Variants in ABL2 observed in about 807,000 individuals in gnomAD.
ABL2 encodes ABL proto-oncogene 2, non-receptor tyrosine kinase.
A neutral mutation model predicts 107.7 loss-of-function variants in ABL2; 49 were observed. The observed-to-expected ratio is 0.45, with a 90% CI of 0.36 to 0.58. The LOEUF (loss-of-function observed/expected upper bound fraction) is 0.58, where lower values mean the gene tolerates loss of function less well. Among genes scored for constraint, ABL2 ranks in the 20% least tolerant of loss-of-function variants. The pLI is 0.00. For synonymous variants in ABL2, 549 were observed against 548.6 expected (o/e 1.00, Z -0.01); for missense variants, 1,245 against 1,457.0 (o/e 0.85, Z 2.37).
chr1:179,203,984 A>C (rs1465907266), intron 1 of ABL2, among the ~76,000 whole-genome samples: 1 of 152,210 alleles, frequency 6.6e-6, no homozygotes, highest in African/African-American at 2.4e-5. Context: ...AGCTGATGTG[A>C]GGATTAAAAG....
intron 1 of ABL2, among the ~76,000 whole-genome samples, chr1:179,189,443 G>C (rs1660873680): frequency 6.6e-6 from 1 of 151,734 alleles, no homozygotes; most frequent in Non-Finnish European, 1.5e-5. Context: ...CCTGTTCTAG[G>C]GTATTTTAAT....
At position 179,207,803 on chromosome 1, in the gene ABL2, G is replaced by C. The variant is rs182837972; in HGVS notation, c.157+21438C>G. Among the ~76,000 whole-genome samples, 278 of 152,210 alleles carry C rather than the reference G, an allele frequency of 1.8e-3. 2 individuals carry two copies. Among genetic ancestry groups the C allele is most frequent in the African/African-American group, 6.5e-3 (269 of 41,524 alleles). On this transcript the variant is annotated intron_variant, in intron 1 of 11. Coordinates refer to ENST00000502732, the MANE Select transcript of ABL2 (RefSeq NM_007314.4). The stretch of plus-strand genomic sequence containing the variant: ...TTAACAGAGGATCTAAACCCACACA[G>C]ACTGACACCAGAGTCCATGCCATTA...
chr1:179,103,748 T>C lies in ABL2; in HGVS notation c.*3970A>G, dbSNP rs1160899864. The C allele has an allele frequency of 4.4e-6, 1 of 229,324 alleles. No homozygotes were observed. Among genetic ancestry groups the C allele is most frequent in the African/African-American group, 2.2e-5 (1 of 45,118 alleles). 14.2% of individuals were successfully genotyped at this position (229,324 alleles called of 1,614,324 possible). A position where few individuals can be genotyped will look rare whatever the true frequency, so the allele number is the denominator to read the frequency against. ...CTGATTGTCGGTCTGAGCCACTTTT[T>C]TGCAGTGTCTCACATGGCAGCAGGT... On this transcript the variant is annotated 3_prime_UTR_variant, in exon 12 of 12. Transcript: ENST00000502732.
At chr1:179,143,335 C>T (rs192466278) in intron 1 of ABL2, among the ~76,000 whole-genome samples, 1 of 152,284 alleles carries the variant, frequency 6.6e-6, no homozygotes, top group Non-Finnish European at 1.5e-5. Context: ...ATATGTATAA[C>T]AAATAGCCTA....
At chr1:179,166,176 T>A (rs1336292025) in intron 1 of ABL2, among the ~76,000 whole-genome samples, 1 of 152,002 alleles carries the variant, frequency 6.6e-6, no homozygotes, top group Non-Finnish European at 1.5e-5. Context: ...TTCAGGACAT[T>A]GATCTAGGCA....
chr1:179,201,785 C>T (rs570396516), intron 1 of ABL2: 12 of 899,184 alleles, frequency 1.3e-5, no homozygotes, highest in South Asian at 5.6e-5. Flanking sequence ...TCCACAGAAT[C>T]GGTTGAGGTG....
chr1:179,167,935 T>C (rs1659488185), intron 1 of ABL2, among the ~76,000 whole-genome samples: 1 of 152,138 alleles, frequency 6.6e-6, no homozygotes, highest in African/African-American at 2.4e-5. Flanking sequence ...GCCGAGATCG[T>C]GCCACTGCAC....
In ABL2 at chr1:179,101,181, C is replaced by T. The variant is rs1653056404; in HGVS notation, c.*6537G>A. 1 of 227,638 alleles carries T rather than the reference C, an allele frequency of 4.4e-6. No homozygotes were observed. The highest frequency in any genetic ancestry group is 6.3e-5 in the East Asian group (1 of 15,934). The allele number at this position is 227,638 out of a possible 1,614,324, so 14.1% of individuals were successfully genotyped here. A position where few individuals can be genotyped will look rare whatever the true frequency, so the allele number is the denominator to read the frequency against. On this transcript the variant is annotated 3_prime_UTR_variant, in exon 12 of 12. Coordinates refer to ENST00000502732, the MANE Select transcript of ABL2 (RefSeq NM_007314.4). ...CCTCTCTGAGACTCATGAAACCCAT[C>T]TTTGAAGGCACAAATCTCCAAGGGT...
At chr1:179,215,985 T>C (rs1662543243) in intron 1 of ABL2, among the ~76,000 whole-genome samples, 3 of 152,252 alleles carry the variant, frequency 2.0e-5, no homozygotes, top group South Asian at 4.1e-4. Flanking sequence ...TTATGTATTA[T>C]ACTAAGCTCC....
At position 179,101,614 on chromosome 1, in the gene ABL2, G is replaced by A. The variant is rs1190417286; in HGVS notation, c.*6104C>T. ...TCAAACTCCTGACCTCAAGTGATCCGCCCATCTTGGTCTCCCAAAGTGCTG... is the reference window on the plus strand; with the variant it reads ...TCAAACTCCTGACCTCAAGTGATCCACCCATCTTGGTCTCCCAAAGTGCTG... On this transcript the variant is annotated 3_prime_UTR_variant, in exon 12 of 12. Coordinates refer to ENST00000502732, the MANE Select transcript of ABL2 (RefSeq NM_007314.4). 7 of 174,584 alleles carry A rather than the reference G, an allele frequency of 4.0e-5. No individual in the cohort carries two copies. The highest frequency in any genetic ancestry group is 2.0e-4 in the South Asian group (1 of 5,004). 10.8% of individuals were successfully genotyped at this position (174,584 alleles called of 1,614,324 possible). A position where few individuals can be genotyped will look rare whatever the true frequency, so the allele number is the denominator to read the frequency against.
At chr1:179,177,665 C>T (rs1660127671) in intron 1 of ABL2, among the ~76,000 whole-genome samples, 1 of 152,160 alleles carries the variant, frequency 6.6e-6, no homozygotes, top group Non-Finnish European at 1.5e-5. Flanking sequence ...TGGGAAACCA[C>T]AGGTGGTAAA....
chr1:179,155,685 C>T (rs978077221), intron 1 of ABL2, among the ~76,000 whole-genome samples: 2 of 150,104 alleles, frequency 1.3e-5, no homozygotes, highest in African/African-American at 4.9e-5. Flanking sequence ...GAGCCGAGAT[C>T]GGGCCACTAC....
At chr1:179,134,729 CCT>C (rs1320407939) in intron 1 of ABL2, among the ~76,000 whole-genome samples, 1 of 151,788 alleles carries the variant, frequency 6.6e-6, no homozygotes, top group Admixed American at 6.6e-5. Context: ...TCTCCCTCTC[CCT>C]CTCCACGGTC....
chr1:179,191,392 T>TA (rs1483066025), intron 1 of ABL2, among the ~76,000 whole-genome samples: 5 of 151,112 alleles, frequency 3.3e-5, no homozygotes. Context: ...ATGAGAACCT[T>TA]AATCTTTCTG....
At chr1:179,201,528 CT>C (rs1661666514) in intron 1 of ABL2, 1 of 315,096 alleles carries the variant, frequency 3.2e-6, no homozygotes, top group South Asian at 3.3e-5. Flanking sequence ...TCCAGTGCCC[CT>C]CTCAGGAAAG....
At chr1:179,201,818 G>C in intron 1 of ABL2, 1 of 1,102,824 alleles carries the variant, frequency 9.1e-7, no homozygotes, top group Admixed American at 2.1e-5. Context: ...ATAAAGGTGT[G>C]GCTATTAACA....
chr1:179,118,275 G>A (rs900419401), intron 7 of ABL2, among the ~76,000 whole-genome samples: 1 of 152,150 alleles, frequency 6.6e-6, no homozygotes, highest in African/African-American at 2.4e-5. Flanking sequence ...CACTTTGGAA[G>A]GCTAAGATGG....
intron 1 of ABL2, among the ~76,000 whole-genome samples, chr1:179,199,328 G>C (rs1414018138): frequency 2.6e-5 from 4 of 152,096 alleles, no homozygotes; most frequent in Non-Finnish European, 1.5e-5. Flanking sequence ...GATATTCCTA[G>C]TTCTTAAACT....
intron 1 of ABL2, among the ~76,000 whole-genome samples, chr1:179,202,272 G>C (rs1320323096): frequency 6.6e-6 from 1 of 152,122 alleles, no homozygotes; most frequent in Non-Finnish European, 1.5e-5. Context: ...CAAATTTCCA[G>C]ATTAGCTGCT....
Sources: gnomAD v4.1 joint callset for allele counts (sites outside exome capture counted in the v4.1 genomes callset) on GRCh38, gnomAD v4.1.1 for gene constraint, MANE v1.5 for transcripts, NCBI Gene and HGNC (gene_info 2026-07-23, HGNC 2026-07-21) for gene names.